Variants in LDB3 observed in about 807,000 individuals in gnomAD.
The protein encoded by LDB3 is LIM domain binding 3.
LDB3 carries 49 observed loss-of-function variants against 69.0 expected under a neutral mutation model. The ratio of observed to expected loss-of-function variants is 0.71; its 90% confidence interval spans 0.56 to 0.90. The LOEUF is 0.90. Among genes scored for constraint, LDB3 ranks in the 40% least tolerant of loss-of-function variants. The pLI, the probability that LDB3 is intolerant of heterozygous loss-of-function variation, is 0.00. For missense variants in LDB3, 928 were observed against 974.1 expected (o/e 0.95, Z 0.63); for synonymous variants, 387 against 396.2 (o/e 0.98, Z 0.28).
intron 2 of LDB3, among the ~76,000 whole-genome samples, chr10:86,671,553 C>A (rs1161852379): frequency 1.3e-5 from 2 of 151,918 alleles, no homozygotes; most frequent in Non-Finnish European, 2.9e-5. Context: ...GCTGGGCCTG[C>A]AACATGAGCT....
At chr10:86,719,613 C>T (rs1225587867) in intron 12 of LDB3, among the ~76,000 whole-genome samples, 1 of 152,142 alleles carries the variant, frequency 6.6e-6, no homozygotes, top group East Asian at 1.9e-4. Context: ...AAACACCTGC[C>T]TTACAGAGCT....
intron 13 of LDB3, among the ~76,000 whole-genome samples, chr10:86,729,344 G>A (rs190579466): frequency 4.6e-5 from 7 of 152,308 alleles, no homozygotes; most frequent in South Asian, 4.1e-4. Context: ...TCTGTCTGGC[G>A]TCGACACTTG....
At chr10:86,705,124 G>T (rs916341623) in intron 7 of LDB3, among the ~76,000 whole-genome samples, 2 of 152,202 alleles carry the variant, frequency 1.3e-5, no homozygotes, top group Non-Finnish European at 2.9e-5. Context: ...CTACTTGGCT[G>T]ATCACAACAA....
In LDB3 at chr10:86,716,686, C is replaced by A; in HGVS notation, c.1591C>A (p.Leu531Ile). The change falls in exon 10 of 14, where the codon CTT (leucine) becomes ATT (isoleucine). Residue 531 changes from leucine (L) to isoleucine (I), a missense_variant. Leu to Ile is a conservative substitution (Grantham distance 5). Coordinates refer to ENST00000361373, the MANE Select transcript of LDB3 (RefSeq NM_007078.3). ...YTPAGPQVPP[L>I]ARGTVQRAER... is the part of the protein sequence containing the mutation. ...CCCAGCGGGTCCTCAGGTGCCACCA[C>A]TTGCCAGGGGGACCGTCCAGAGGGC... 2 of 1,613,922 alleles carry A rather than the reference C, an allele frequency of 1.2e-6. No individual in the cohort carries two copies. The highest frequency in any genetic ancestry group is 1.7e-6 in the Non-Finnish European group (2 of 1,180,000).
intron 5 of LDB3, among the ~76,000 whole-genome samples, chr10:86,689,705 G>A (rs1026733051): frequency 6.6e-6 from 1 of 152,300 alleles, no homozygotes; most frequent in African/African-American, 2.4e-5. Context: ...GAATCCTCAT[G>A]GGAAGTGTAT....
chr10:86,731,279 C>CA (rs1430703191), intron 13 of LDB3, among the ~76,000 whole-genome samples: 2 of 137,402 alleles, frequency 1.5e-5, no homozygotes, highest in Non-Finnish European at 3.1e-5. Flanking sequence ...GGCTTGGGTA[C>CA]AGTGGCATGA....
intron 8 of LDB3, among the ~76,000 whole-genome samples, chr10:86,707,768 C>T (rs975125243): frequency 6.6e-6 from 1 of 152,200 alleles, no homozygotes; most frequent in Non-Finnish European, 1.5e-5. Context: ...TCCCGGGCTT[C>T]ACATTAACCA....
In LDB3 at chr10:86,699,342, C is replaced by T. The variant is rs759468828; in HGVS notation, c.896+6771C>T. The T allele has an allele frequency of 4.3e-6, 7 of 1,613,978 alleles. No individual in the cohort carries two copies. The South Asian group carries it at 6.6e-5, about 15-fold the overall frequency. ...CAAATTGCGCAACTGGCACCATGGC[C>T]TTTCAGCCCAAATCCTTAATGTTAA... On this transcript the variant is annotated intron_variant, in intron 7 of 13. Coordinates refer to ENST00000361373, the MANE Select transcript of LDB3 (RefSeq NM_007078.3). This position sits in a 1 kb window ranked among gnomAD's most constrained non-coding sequence, Gnocchi z 4.9.
At chr10:86,666,837 G>A (rs550972381), upstream of LDB3, 7 of 469,750 alleles carry the variant, frequency 1.5e-5, no homozygotes, top group African/African-American at 8.0e-5. Context: ...GAGAGACAGC[G>A]TGCAGCTCCA....
chr10:86,699,644 G>T lies in LDB3; in HGVS notation c.897-6887G>T. ...CCCGTAGCCCAATCCCCTGCCCTCT[G>T]CACAGGGCCTTAGCTGTAGACCAGA... On this transcript the variant is annotated intron_variant, in intron 7 of 13. Coordinates refer to ENST00000361373, the MANE Select transcript of LDB3 (RefSeq NM_007078.3). This position sits in a 1 kb window ranked among gnomAD's most constrained non-coding sequence, Gnocchi z 4.9. 1 of 1,329,064 alleles carries T rather than the reference G, an allele frequency of 7.5e-7. No homozygotes were observed. The highest frequency in any genetic ancestry group is 1.5e-5 in the African/African-American group (1 of 67,386). 82.3% of individuals were successfully genotyped at this position (1,329,064 alleles called of 1,614,324 possible). A position where few individuals can be genotyped will look rare whatever the true frequency, so the allele number is the denominator to read the frequency against.
rs1847547274 is a variant in LDB3, at chr10:86,733,629, G to T, written c.*653G>T. 1 of 152,576 alleles carries T rather than the reference G, an allele frequency of 6.6e-6. No individual in the cohort carries two copies. Among genetic ancestry groups the T allele is most frequent in the Non-Finnish European group, 1.5e-5 (1 of 68,354 alleles). The allele number at this position is 152,576 out of a possible 1,614,324, so 9.5% of individuals were successfully genotyped here. A position where few individuals can be genotyped will look rare whatever the true frequency, so the allele number is the denominator to read the frequency against. ...GGCAATTGCCAGGGCTCCAGGAAGG[G>T]CTCTGGCTCAGGTTGCAGACAGCTG... On this transcript the variant is annotated 3_prime_UTR_variant, in exon 14 of 14. Coordinates refer to ENST00000361373, the MANE Select transcript of LDB3 (RefSeq NM_007078.3).
At chr10:86,719,845 G>C (rs1171270495) in intron 12 of LDB3, among the ~76,000 whole-genome samples, 1 of 152,180 alleles carries the variant, frequency 6.6e-6, no homozygotes, top group Non-Finnish European at 1.5e-5. Context: ...TTAGATAGGT[G>C]GAAGTCAGTC....
intron 10 of LDB3, 131 bp from the exon 11 acceptor site, chr10:86,717,833 C>T: frequency 1.2e-6 from 1 of 812,384 alleles, no homozygotes; most frequent in African/African-American, 1.7e-5. Context: ...CTGAATTTCA[C>T]ATTACTTCAT....
Position 86,716,743 on chromosome 10 carries a change from C to A in LDB3, c.1648C>A (p.Leu550Ile), listed in dbSNP as rs1846893470. The change falls in exon 10 of 14, where the codon CTC becomes ATC. Residue 550 changes from leucine to isoleucine, a missense_variant. Leu to Ile is a conservative substitution (Grantham distance 5). Coordinates refer to ENST00000361373, the MANE Select transcript of LDB3 (RefSeq NM_007078.3). ...ERFPASSRTP[L>I]CGHCNNVIRG... is the part of the protein sequence containing the mutation. ...ATTCCCAGCCAGCAGCCGGACTCCACTCTGCGGTCACTGCAACAATGTCAT... is the reference window on the plus strand; with the variant it reads ...ATTCCCAGCCAGCAGCCGGACTCCAATCTGCGGTCACTGCAACAATGTCAT... The A allele has an allele frequency of 6.2e-7, 1 of 1,612,334 alleles. No homozygotes were observed. Among genetic ancestry groups the A allele is most frequent in the Non-Finnish European group, 8.5e-7 (1 of 1,179,564 alleles).
At chr10:86,709,527 A>G (rs1184401242) in intron 8 of LDB3, among the ~76,000 whole-genome samples, 2 of 152,204 alleles carry the variant, frequency 1.3e-5, no homozygotes, top group Non-Finnish European at 2.9e-5. Flanking sequence ...CCAGGTGGTC[A>G]GGGGCTGAGG....
At chr10:86,721,159 A>G (rs111512401) in intron 12 of LDB3, among the ~76,000 whole-genome samples, 5,032 of 152,312 alleles carry the variant, frequency 0.033, 215 homozygotes, top group Admixed American at 0.13. Flanking sequence ...ACTGTTTTCC[A>G]TAACGGCTGC....
intron 5 of LDB3, chr10:86,686,946 G>C: frequency 4.5e-6 from 4 of 887,230 alleles, no homozygotes; most frequent in Non-Finnish European, 7.4e-6. Flanking sequence ...CAGGGCCTCG[G>C]CTCTGGGAGA....
intron 7 of LDB3, among the ~76,000 whole-genome samples, chr10:86,694,395 C>A (rs551766653): frequency 1.3e-5 from 2 of 152,292 alleles, no homozygotes; most frequent in African/African-American, 4.8e-5. Context: ...TTCGGAGCCT[C>A]TCCCCCAGCT....
At chr10:86,701,036 G>C (rs112644179) in intron 7 of LDB3, among the ~76,000 whole-genome samples, 4,219 of 152,222 alleles carry the variant, frequency 0.028, 192 homozygotes, top group African/African-American at 0.094. Context: ...ATCCCACCAG[G>C]AAGCGTTGGT....
Sources: gnomAD v4.1 joint callset for allele counts (sites outside exome capture counted in the v4.1 genomes callset) on GRCh38, gnomAD v4.1.1 for gene constraint, Gnocchi (gnomAD v3.1) non-coding constraint, MANE v1.5 for transcripts, NCBI Gene and HGNC (gene_info 2026-07-23, HGNC 2026-07-21) for gene names.